Variants in CAMTA1 observed in about 807,000 individuals in gnomAD.
CAMTA1 encodes calmodulin binding transcription activator 1, also known as calmodulin-binding transcription activator 1.
CAMTA1 carries 27 observed loss-of-function variants against 170.9 expected under a neutral mutation model. The observed-to-expected ratio is 0.16, with a 90% confidence interval of 0.12 to 0.22. The LOEUF (loss-of-function observed/expected upper bound fraction) is 0.22. CAMTA1 is among the 10% of genes least tolerant of loss of function. The pLI is 1.00. For synonymous variants in CAMTA1, 833 were observed against 891.5 expected, an observed-to-expected ratio of 0.93 and a Z score of 1.17; for missense variants, 1,619 against 2,217.2, an observed-to-expected ratio of 0.73 and a Z score of 5.42.
intron 1 of CAMTA1, chr1:6,806,955 C>T: frequency 2.0e-6 from 1 of 501,374 alleles, no homozygotes; most frequent in Admixed American, 3.3e-5. Flanking sequence ...ATTTACTCAA[C>T]AAATAACAAA....
Position 7,471,117 on chromosome 1 carries a change from C to T in CAMTA1, c.510+3216C>T, listed in dbSNP as rs150059979. 2.6e-3 allele frequency among the ~76,000 whole-genome samples: 393 copies of T among 152,338 alleles called. 4 individuals carry two copies. The Middle Eastern group carries it at 0.048, about 18-fold the overall frequency. On this transcript the variant is annotated intron_variant, in intron 6 of 22. Transcript: ENST00000303635. ...GAGAAGGGCCTGAGTTGACGTGGCA[C>T]GTAAGCTTCTGAGTCATCGGGCTTT...
chr1:7,490,230 C>T (rs1367492292), intron 6 of CAMTA1, among the ~76,000 whole-genome samples: 1 of 152,246 alleles, frequency 6.6e-6, no homozygotes, highest in Non-Finnish European at 1.5e-5. Context: ...CATGGGATTG[C>T]ACCGTGCACA....
intron 6 of CAMTA1, among the ~76,000 whole-genome samples, chr1:7,524,079 G>A (rs2094401644): frequency 6.6e-6 from 1 of 151,468 alleles, no homozygotes; most frequent in Admixed American, 6.6e-5. Context: ...ATGCGTGCCT[G>A]TAGTCCCAGC....
intron 5 of CAMTA1, among the ~76,000 whole-genome samples, chr1:7,320,739 T>C (rs573046965): frequency 6.6e-6 from 1 of 151,026 alleles, no homozygotes; most frequent in Non-Finnish European, 1.5e-5. Flanking sequence ...TTCCCTCATG[T>C]ACCTCACAGA....
intron 6 of CAMTA1, among the ~76,000 whole-genome samples, chr1:7,495,365 G>C (rs1056288360): frequency 6.6e-6 from 1 of 152,172 alleles, no homozygotes; most frequent in Non-Finnish European, 1.5e-5. Flanking sequence ...GGAGGATCAA[G>C]TTTGGGATGT....
At chr1:7,087,470 G>C (rs1444409432) in intron 3 of CAMTA1, among the ~76,000 whole-genome samples, 1 of 152,208 alleles carries the variant, frequency 6.6e-6, no homozygotes, top group Non-Finnish European at 1.5e-5. Flanking sequence ...GCTGGGAAGT[G>C]ACCCTGGGTC....
Position 7,171,572 on chromosome 1 carries a change from C to T in CAMTA1, c.303-77919C>T, listed in dbSNP as rs574923400. ...TTTTCTATGAATTATTCTCCCCTGC[C>T]CCCAATCAAATCCATCCCTTAAATT... On this transcript the variant is annotated intron_variant, in intron 4 of 22. Transcript: ENST00000303635. Among the ~76,000 whole-genome samples the T allele has an allele frequency of 5.3e-4, 81 of 152,266 alleles. 2 individuals carry two copies. In the Middle Eastern group the frequency reaches 0.041, roughly 77 times the overall value.
chr1:7,383,067 CT>C (rs1455135087), intron 5 of CAMTA1, among the ~76,000 whole-genome samples: 1 of 152,166 alleles, frequency 6.6e-6, no homozygotes, highest in Admixed American at 6.5e-5. Context: ...GCTTAGCGTT[CT>C]ATGTGGGAAG....
intron 6 of CAMTA1, among the ~76,000 whole-genome samples, chr1:7,540,627 A>G (rs1416650492): frequency 6.6e-6 from 1 of 152,132 alleles, no homozygotes; most frequent in East Asian, 1.9e-4. Context: ...ACCCCCCAAA[A>G]CCGCCCACCT....
chr1:7,225,959 G>C (rs920871610), intron 4 of CAMTA1, among the ~76,000 whole-genome samples: 37 of 152,152 alleles, frequency 2.4e-4, no homozygotes, highest in African/African-American at 8.7e-4. Flanking sequence ...TCCCCTTTTG[G>C]GGGTATCCTA....
Position 7,251,222 on chromosome 1 carries a change from G to C in CAMTA1, c.438+1596G>C, listed in dbSNP as rs1470460533. ...AGCCGGGTGGAATTCTTCCTCAGCA[G>C]CAGCTGAGAAGCCGAGGGGAGAAAA... On this transcript the variant is annotated intron_variant, in intron 5 of 22. Coordinates refer to ENST00000303635, the MANE Select transcript of CAMTA1 (RefSeq NM_015215.4). The surrounding 1 kb of genome is among the most constrained non-coding windows in gnomAD (Gnocchi z 5.1). 1.3e-5 allele frequency among the ~76,000 whole-genome samples: 2 copies of C among 152,206 alleles called. No individual in the cohort carries two copies. The highest frequency in any genetic ancestry group is 2.4e-5 in the African/African-American group (1 of 41,456).
At chr1:7,480,116 T>G (rs2093491562) in intron 6 of CAMTA1, among the ~76,000 whole-genome samples, 1 of 149,084 alleles carries the variant, frequency 6.7e-6, no homozygotes, top group Admixed American at 6.7e-5. Flanking sequence ...AGCGTGTGTG[T>G]GTGTGTGAGT....
intron 3 of CAMTA1, among the ~76,000 whole-genome samples, chr1:7,089,190 A>G (rs1439214966): frequency 6.6e-6 from 1 of 152,152 alleles, no homozygotes; most frequent in African/African-American, 2.4e-5. Context: ...TAGAATGATC[A>G]TTCCTTAGAA....
intron 5 of CAMTA1, among the ~76,000 whole-genome samples, chr1:7,438,399 C>T (rs529941673): frequency 2.6e-5 from 4 of 152,210 alleles, no homozygotes; most frequent in East Asian, 1.9e-4. Context: ...CCAGGGTGGC[C>T]GGGAACAAGG....
intron 4 of CAMTA1, among the ~76,000 whole-genome samples, chr1:7,198,758 C>T (rs906277010): frequency 1.3e-5 from 2 of 152,074 alleles, no homozygotes; most frequent in Non-Finnish European, 2.9e-5. Flanking sequence ...CTTAAAGTCT[C>T]CTTCCTGGCC....
intron 3 of CAMTA1, among the ~76,000 whole-genome samples, chr1:7,047,624 G>A (rs2101541544): frequency 6.6e-6 from 1 of 152,058 alleles, no homozygotes; most frequent in East Asian, 1.9e-4. Flanking sequence ...CCTTTAACTG[G>A]CCAGTGTCTC....
intron 6 of CAMTA1, among the ~76,000 whole-genome samples, chr1:7,519,795 C>T (rs1218079564): frequency 1.3e-5 from 2 of 151,690 alleles, no homozygotes; most frequent in Non-Finnish European, 2.9e-5. Flanking sequence ...GTCACCCCCA[C>T]ATCTGGATGA....
intron 5 of CAMTA1, among the ~76,000 whole-genome samples, chr1:7,358,605 C>T (rs987621005): frequency 2.6e-5 from 4 of 152,158 alleles, no homozygotes; most frequent in Non-Finnish European, 4.4e-5. Flanking sequence ...AGACTCGCCT[C>T]GTCAGACTTG....
intron 5 of CAMTA1, among the ~76,000 whole-genome samples, chr1:7,409,588 G>C (rs1277738560): frequency 3.3e-5 from 5 of 152,172 alleles, no homozygotes; most frequent in Non-Finnish European, 7.3e-5. Context: ...CCTGTCCCAG[G>C]TTTGACTTCC....
Sources: gnomAD v4.1 joint callset for allele counts (sites outside exome capture counted in the v4.1 genomes callset) on GRCh38, gnomAD v4.1.1 for gene constraint, Gnocchi (gnomAD v3.1) non-coding constraint, MANE v1.5 for transcripts, NCBI Gene and HGNC (gene_info 2026-07-23, HGNC 2026-07-21) for gene names.